The following PLCB4 variants were observed in gnomAD, a reference collection of about 807,000 sequenced individuals.
PLCB4 encodes the protein 1-phosphatidylinositol 4,5-bisphosphate phosphodiesterase beta-4.
Under a neutral mutation model 178.8 loss-of-function variants are expected in PLCB4, and 77 were observed. That is an observed-to-expected ratio of 0.43 (90% CI 0.36 to 0.52). The LOEUF (loss-of-function observed/expected upper bound fraction) is 0.52, where lower values mean the gene tolerates loss of function less well. Among genes scored for constraint, PLCB4 ranks in the 20% least tolerant of loss-of-function variants. PLCB4 has a pLI of 0.00. For missense variants in PLCB4, 1,024 were observed against 1,453.4 expected (o/e 0.70, Z 4.80); for synonymous variants, 496 against 490.8 (o/e 1.01, Z -0.14).
At chr20:9,161,325 A>G (rs548154934) in intron 2 of PLCB4, among the ~76,000 whole-genome samples, 1 of 152,168 alleles carries the variant, frequency 6.6e-6, no homozygotes, top group Non-Finnish European at 1.5e-5. Flanking sequence ...TAAGTGGTTC[A>G]TGGTTTTTAC....
At chr20:9,373,682 T>C (rs1019646869) in intron 12 of PLCB4, among the ~76,000 whole-genome samples, 2 of 152,238 alleles carry the variant, frequency 1.3e-5, no homozygotes, top group African/African-American at 4.8e-5. Context: ...ATTTGTACTT[T>C]TTCTTTTTAT....
intron 2 of PLCB4, among the ~76,000 whole-genome samples, chr20:9,206,299 C>CTTTTTTCTTTT (rs1568948051): frequency 4.2e-5 from 4 of 96,122 alleles, no homozygotes; most frequent in African/African-American, 7.7e-5. Context: ...TTTCTTTTTT[C>CTTTTTTCTTTT]TTTTTTTTTT....
intron 3 of PLCB4, among the ~76,000 whole-genome samples, chr20:9,244,594 C>A (rs1439002129): frequency 6.6e-6 from 1 of 152,124 alleles, no homozygotes; most frequent in Non-Finnish European, 1.5e-5. Context: ...TGATAAATCC[C>A]AATCCCCTGT....
intron 2 of PLCB4, among the ~76,000 whole-genome samples, chr20:9,149,598 T>C (rs889871566): frequency 2.6e-5 from 4 of 151,544 alleles, no homozygotes; most frequent in African/African-American, 9.8e-5. Context: ...GAAACTCTTT[T>C]AAGCAATAGA....
At chr20:9,132,954 C>T (rs1231428242) in intron 2 of PLCB4, among the ~76,000 whole-genome samples, 1 of 152,064 alleles carries the variant, frequency 6.6e-6, no homozygotes, top group Non-Finnish European at 1.5e-5. Context: ...ATGCTGCTAA[C>T]CATCCCACAA....
chr20:9,455,430 T>C (rs1486314033), intron 33 of PLCB4, among the ~76,000 whole-genome samples: 2 of 152,212 alleles, frequency 1.3e-5, no homozygotes, highest in African/African-American at 4.8e-5. Context: ...TAGAAATTTT[T>C]AAAAAATTGA....
chr20:9,125,770 T>C (rs1249300444), intron 2 of PLCB4, among the ~76,000 whole-genome samples: 2 of 152,210 alleles, frequency 1.3e-5, no homozygotes, highest in Non-Finnish European at 2.9e-5. Context: ...TGTCTCTATA[T>C]GCGTATACAC....
At chr20:9,464,075 C>G (rs1290143951) in intron 35 of PLCB4, among the ~76,000 whole-genome samples, 2 of 152,158 alleles carry the variant, frequency 1.3e-5, no homozygotes, top group African/African-American at 4.8e-5. Context: ...TCACAACAAA[C>G]TATCTCTCAG....
At chr20:9,297,214 T>C (rs186778132) in intron 3 of PLCB4, among the ~76,000 whole-genome samples, 213 of 152,132 alleles carry the variant, frequency 1.4e-3, no homozygotes, top group Non-Finnish European at 1.9e-3. Context: ...TCTTGCATGC[T>C]ATCAAAAAAA....
intron 3 of PLCB4, among the ~76,000 whole-genome samples, chr20:9,242,219 G>A (rs1022168299): frequency 3.9e-5 from 6 of 152,230 alleles, no homozygotes; most frequent in Non-Finnish European, 1.5e-5. Flanking sequence ...AGGCATCAAA[G>A]CAGTCTGCCG....
chr20:9,203,250 A>G (rs2147198823), intron 2 of PLCB4, among the ~76,000 whole-genome samples: 1 of 151,972 alleles, frequency 6.6e-6, no homozygotes, highest in African/African-American at 2.4e-5. Flanking sequence ...GAGGTCATGA[A>G]TCTCTTGTAA....
intron 34 of PLCB4, 92 bp from the exon 35 acceptor site, chr20:9,459,543 A>C: frequency 1.2e-6 from 1 of 830,358 alleles, no homozygotes; most frequent in South Asian, 2.4e-5. Flanking sequence ...AGTTGGTGGG[A>C]GGAACCTGAA....
chr20:9,473,399 C>G, intron 38 of PLCB4, 34 bp downstream of exon 38: 1 of 1,243,422 alleles, frequency 8.0e-7, no homozygotes, highest in Non-Finnish European at 1.2e-6. Context: ...AACATGCAGG[C>G]AGCTAGCCAG....
At chr20:9,402,732 A>T (rs1030666426) in intron 20 of PLCB4, among the ~76,000 whole-genome samples, 1 of 152,156 alleles carries the variant, frequency 6.6e-6, no homozygotes, top group Non-Finnish European at 1.5e-5. Flanking sequence ...CTACTGATGG[A>T]TGGAATGTGG....
intron 1 of PLCB4, among the ~76,000 whole-genome samples, chr20:9,090,086 A>G (rs1157810409): frequency 6.6e-6 from 1 of 152,188 alleles, no homozygotes; most frequent in Admixed American, 6.5e-5. Context: ...TTGTGAAAGT[A>G]TCTTCTTCCC....
At chr20:9,294,902 C>T (rs1259495698) in intron 3 of PLCB4, among the ~76,000 whole-genome samples, 1 of 152,082 alleles carries the variant, frequency 6.6e-6, no homozygotes, top group African/African-American at 2.4e-5. Flanking sequence ...CTAGTCTTTC[C>T]CCTATGCTCC....
At chr20:9,156,044 A>G (rs887166734) in intron 2 of PLCB4, among the ~76,000 whole-genome samples, 7 of 152,210 alleles carry the variant, frequency 4.6e-5, no homozygotes, top group African/African-American at 7.2e-5. Context: ...TCTTCCAGTC[A>G]TAGACTGTGC....
At chr20:9,331,008 G>GT (rs2031564192) in intron 4 of PLCB4, among the ~76,000 whole-genome samples, 2 of 152,174 alleles carry the variant, frequency 1.3e-5, no homozygotes, top group Non-Finnish European at 1.5e-5. Flanking sequence ...CTGTGAGTCG[G>GT]TATCAGTTTT....
chr20:9,267,462 A>G (rs1165962733), intron 3 of PLCB4, among the ~76,000 whole-genome samples: 1 of 152,092 alleles, frequency 6.6e-6, no homozygotes, highest in Non-Finnish European at 1.5e-5. Context: ...TTCTGTTTAG[A>G]AGTAGAAATT....
Sources: gnomAD v4.1 joint callset for allele counts (sites outside exome capture counted in the v4.1 genomes callset) on GRCh38, gnomAD v4.1.1 for gene constraint, MANE v1.5 for transcripts, NCBI Gene and HGNC (gene_info 2026-07-23, HGNC 2026-07-21) for gene names.